SIAH3: variants seen among roughly 807,000 people sequenced by gnomAD.
The protein encoded by SIAH3 is siah E3 ubiquitin protein ligase family member 3.
Under a neutral mutation model 12.6 loss-of-function variants are expected in SIAH3, and 9 were observed. The observed-to-expected ratio is 0.72, with a 90% CI of 0.43 to 1.25. The LOEUF (loss-of-function observed/expected upper bound fraction) is 1.25. SIAH3 is among the 50% of genes most tolerant of loss of function. SIAH3 has a pLI of 0.00. For synonymous variants in SIAH3, 154 were observed against 151.1 expected (o/e 1.02, Z -0.14); for missense variants, 390 against 365.4 (o/e 1.07, Z -0.55).
intron 1 of SIAH3, among the ~76,000 whole-genome samples, chr13:45,802,395 T>C (rs112978128): frequency 6.6e-6 from 1 of 152,050 alleles, no homozygotes; most frequent in Non-Finnish European, 1.5e-5. Context: ...CTGGACCTAA[T>C]GATGAGAGTG....
At chr13:45,831,701 G>A (rs1470914326) in intron 1 of SIAH3, among the ~76,000 whole-genome samples, 1 of 152,166 alleles carries the variant, frequency 6.6e-6, no homozygotes, top group African/African-American at 2.4e-5. Flanking sequence ...ATGGGGTAAA[G>A]AGGAGGGAGG....
intron 1 of SIAH3, among the ~76,000 whole-genome samples, chr13:45,802,145 A>C (rs2137558633): frequency 6.6e-6 from 1 of 152,094 alleles, no homozygotes; most frequent in Non-Finnish European, 1.5e-5. Context: ...ATCTCTACTA[A>C]AAATACAAAA....
chr13:45,837,559 GGGAA>G (rs5803313), intron 1 of SIAH3, among the ~76,000 whole-genome samples: 52,981 of 145,520 alleles, frequency 0.36, 10,485 homozygotes, highest in Middle Eastern at 0.51. Context: ...GAAAGAAGGA[GGGAA>G]GGAAGGAATG....
At chr13:45,784,185 CAACAAACAAACA>C (rs10578981) in intron 1 of SIAH3, 128 bp from the exon 2 acceptor site, 47 of 700,576 alleles carry the variant, frequency 6.7e-5, no homozygotes, top group African/African-American at 5.5e-4. Flanking sequence ...ATTTCTTAAA[CAACAAACAAACA>C]AACAAACAAA....
chr13:45,797,481 T>C (rs1950567146), intron 1 of SIAH3, among the ~76,000 whole-genome samples: 1 of 152,168 alleles, frequency 6.6e-6, no homozygotes, highest in African/African-American at 2.4e-5. Flanking sequence ...AAGCACTTGA[T>C]TTTCTGTCCT....
chr13:45,832,979 A>G (rs935693850), intron 1 of SIAH3, among the ~76,000 whole-genome samples: 2 of 152,214 alleles, frequency 1.3e-5, no homozygotes, highest in Admixed American at 1.3e-4. Context: ...CCTTCTGGGT[A>G]GTTGAAAGAA....
intron 1 of SIAH3, among the ~76,000 whole-genome samples, chr13:45,805,059 G>T (rs538146406): frequency 6.6e-6 from 1 of 150,780 alleles, no homozygotes; most frequent in East Asian, 2.0e-4. Flanking sequence ...TCTCTACAAG[G>T]AGAACTACAA....
At chr13:45,826,630 C>T (rs1284028707) in intron 1 of SIAH3, among the ~76,000 whole-genome samples, 5 of 152,116 alleles carry the variant, frequency 3.3e-5, no homozygotes, top group African/African-American at 1.2e-4. Context: ...GCCTTCATCA[C>T]ATGTTAATAG....
Position 45,783,462 on chromosome 13 carries a change from A to T in SIAH3, c.731T>A (p.Leu244His), listed in dbSNP as rs376056611. 3.8e-5 allele frequency: 62 copies of T among 1,614,046 alleles called. No homozygotes were observed. The highest frequency in any genetic ancestry group is 1.5e-4 in the Admixed American group (9 of 60,022). The change falls in exon 2 of 2, where the codon CTC (leucine) becomes CAC (histidine). Residue 244 changes from leucine to histidine, a missense_variant. Physicochemically the swap from Leu to His is moderately conservative, Grantham distance 99. Coordinates refer to ENST00000400405, the MANE Select transcript of SIAH3 (RefSeq NM_198849.3). ...CLVLNTSLAQ[L>H]FSDNGSLAIG... ...GGCAAGGCTGCCGTTGTCAGAGAAGAGCTGTGCCAGCGAGGTGTTGAGGAC... is the reference window on the plus strand; with the variant it reads ...GGCAAGGCTGCCGTTGTCAGAGAAGTGCTGTGCCAGCGAGGTGTTGAGGAC...
intron 1 of SIAH3, among the ~76,000 whole-genome samples, chr13:45,814,814 C>G (rs1345664016): frequency 1.3e-5 from 2 of 151,766 alleles, no homozygotes; most frequent in Non-Finnish European, 2.9e-5. Context: ...CCTCTGCCTT[C>G]CGGGCTCAAG....
At chr13:45,810,124 G>T (rs1950611446) in intron 1 of SIAH3, among the ~76,000 whole-genome samples, 1 of 152,172 alleles carries the variant, frequency 6.6e-6, no homozygotes, top group African/African-American at 2.4e-5. Flanking sequence ...AGGGCCCACA[G>T]CCAACATTCT....
intron 1 of SIAH3, among the ~76,000 whole-genome samples, chr13:45,809,993 C>T (rs1013670900): frequency 8.5e-5 from 13 of 152,210 alleles, no homozygotes; most frequent in East Asian, 1.9e-4. Flanking sequence ...AAGCTTGTCA[C>T]GTTGCCATGG....
intron 1 of SIAH3, among the ~76,000 whole-genome samples, chr13:45,831,228 TAA>T: frequency 6.7e-6 from 1 of 148,192 alleles, no homozygotes; most frequent in South Asian, 2.1e-4. Flanking sequence ...ATAAATAAAA[TAA>T]AAAAATGAAT....
chr13:45,806,158 A>T (rs1950597571), intron 1 of SIAH3, among the ~76,000 whole-genome samples: 1 of 152,166 alleles, frequency 6.6e-6, no homozygotes, highest in African/African-American at 2.4e-5. Context: ...AGCAGTTTGG[A>T]GATTTCTCAA....
chr13:45,851,381 C>T, intron 1 of SIAH3, 114 bp downstream of exon 1: 1 of 1,400,530 alleles, frequency 7.1e-7, no homozygotes, highest in East Asian at 2.3e-5. Flanking sequence ...ACCGTCCCAG[C>T]CCCCGAGACC....
chr13:45,810,258 G>T (rs1950611884), intron 1 of SIAH3, among the ~76,000 whole-genome samples: 1 of 152,164 alleles, frequency 6.6e-6, no homozygotes, highest in South Asian at 2.1e-4. Context: ...TCACTGGGAC[G>T]CTCCATCATG....
intron 1 of SIAH3, among the ~76,000 whole-genome samples, chr13:45,829,420 T>C (rs139145216): frequency 2.7e-3 from 409 of 152,144 alleles, no homozygotes; most frequent in African/African-American, 9.4e-3. Context: ...CTGGGCAACA[T>C]AGCAAGACCT....
chr13:45,797,428 A>G (rs1950566851), intron 1 of SIAH3, among the ~76,000 whole-genome samples: 1 of 152,056 alleles, frequency 6.6e-6, no homozygotes, highest in Admixed American at 6.6e-5. Context: ...CTCTAAGGGG[A>G]TGTTGTAGAA....
chr13:45,783,314 G>T lies in SIAH3; in HGVS notation c.*69C>A. ...GGAGAAGAATAAAAAGGAGTCTGGA[G>T]TCCTGGTATTGGGAGGTCCCAGGCG... On this transcript the variant is annotated 3_prime_UTR_variant, in exon 2 of 2. Transcript: ENST00000400405. 4 of 1,237,404 alleles carry T rather than the reference G, an allele frequency of 3.2e-6. No homozygotes were observed. Among genetic ancestry groups the T allele is most frequent in the Non-Finnish European group, 4.5e-6 (4 of 885,696 alleles). The allele number at this position is 1,237,404 out of a possible 1,614,324, so 76.7% of individuals were successfully genotyped here. A position where few individuals can be genotyped will look rare whatever the true frequency, so the allele number is the denominator to read the frequency against.
Sources: allele counts gnomAD v4.1 joint callset (sites outside exome capture counted in the v4.1 genomes callset), GRCh38; gene constraint gnomAD v4.1.1; transcripts MANE v1.5; gene names NCBI Gene and HGNC (gene_info 2026-07-23, HGNC 2026-07-21).